Variants in INPP4B observed in about 807,000 individuals in gnomAD.
INPP4B encodes the protein inositol polyphosphate 4-phosphatase type II.
INPP4B carries 55 observed loss-of-function variants against 122.5 expected under a neutral mutation model. The ratio of observed to expected loss-of-function variants is 0.45; its 90% CI spans 0.36 to 0.56. The LOEUF (loss-of-function observed/expected upper bound fraction) is 0.56. Ranked by LOEUF, INPP4B falls within the 20% of genes least tolerant of loss-of-function variation. The pLI is 0.00. For synonymous variants in INPP4B, 403 were observed against 388.7 expected (o/e 1.04, Z -0.43); for missense variants, 1,000 against 1,097.7 (o/e 0.91, Z 1.26).
At chr4:142,204,748 T>C (rs1287603534) in intron 14 of INPP4B, among the ~76,000 whole-genome samples, 1 of 151,998 alleles carries the variant, frequency 6.6e-6, no homozygotes, top group African/African-American at 2.4e-5. Context: ...GTGTGTTACA[T>C]TAGCAGGCCA....
intron 7 of INPP4B, among the ~76,000 whole-genome samples, chr4:142,363,110 C>A (rs1030687294): frequency 1.1e-4 from 16 of 151,942 alleles, no homozygotes; most frequent in African/African-American, 3.9e-4. Flanking sequence ...GCTCAAGAAC[C>A]ATCAGTAGAG....
At chr4:142,123,639 T>C (rs1345020465) in intron 19 of INPP4B, among the ~76,000 whole-genome samples, 1 of 152,076 alleles carries the variant, frequency 6.6e-6, no homozygotes, top group African/African-American at 2.4e-5. Context: ...AAAAAGAACA[T>C]GGACAGGAGT....
chr4:142,777,117 G>C (rs186734711), intron 1 of INPP4B, among the ~76,000 whole-genome samples: 2 of 152,220 alleles, frequency 1.3e-5, no homozygotes, highest in East Asian at 3.9e-4. Flanking sequence ...ACTAGGCAGA[G>C]CTTTCTACAA....
chr4:142,122,938 T>G (rs3775639), intron 20 of INPP4B, among the ~76,000 whole-genome samples: 19,377 of 152,056 alleles, frequency 0.13, 1,412 homozygotes, highest in East Asian at 0.23. Context: ...CACATTTCAA[T>G]TACCCAAAAG....
At chr4:142,327,471 G>A (rs912352533) in intron 7 of INPP4B, among the ~76,000 whole-genome samples, 3 of 152,012 alleles carry the variant, frequency 2.0e-5, no homozygotes, top group African/African-American at 4.8e-5. Flanking sequence ...TGGGCATGGA[G>A]TGGAGGGGCT....
intron 5 of INPP4B, among the ~76,000 whole-genome samples, chr4:142,426,228 T>C (rs761725877): frequency 9.9e-5 from 15 of 152,004 alleles, no homozygotes; most frequent in Non-Finnish European, 1.8e-4. Context: ...AAGTAGTTCA[T>C]AGAAGTGTAT....
At chr4:142,410,970 AT>A (rs1401234100) in intron 5 of INPP4B, among the ~76,000 whole-genome samples, 14 of 152,040 alleles carry the variant, frequency 9.2e-5, no homozygotes, top group Non-Finnish European at 1.2e-4. Flanking sequence ...TATACCTGTG[AT>A]TTTTTTCACC....
intron 9 of INPP4B, among the ~76,000 whole-genome samples, chr4:142,271,479 G>A (rs1175012057): frequency 2.0e-5 from 3 of 152,294 alleles, no homozygotes; most frequent in South Asian, 2.1e-4. Flanking sequence ...CTGTGGCCAA[G>A]TAAAATAGAA....
At chr4:142,567,488 A>G (rs1482830364) in intron 2 of INPP4B, among the ~76,000 whole-genome samples, 4 of 152,166 alleles carry the variant, frequency 2.6e-5, no homozygotes, top group Non-Finnish European at 5.9e-5. Flanking sequence ...AAGATGATGA[A>G]GTTAAAAGAA....
chr4:142,188,329 T>C (rs1330573723), intron 15 of INPP4B, among the ~76,000 whole-genome samples: 1 of 150,412 alleles, frequency 6.6e-6, no homozygotes, highest in East Asian at 2.0e-4. Context: ...CTACTAAAAA[T>C]ACAAAAAATT....
chr4:142,205,756 A>C (rs1842351641), intron 14 of INPP4B, among the ~76,000 whole-genome samples: 1 of 152,176 alleles, frequency 6.6e-6, no homozygotes, highest in South Asian at 2.1e-4. Context: ...ATTTTACTGC[A>C]TCATAAAAGG....
intron 5 of INPP4B, among the ~76,000 whole-genome samples, chr4:142,417,739 G>A (rs1562054236): frequency 6.6e-6 from 1 of 151,980 alleles, no homozygotes; most frequent in African/African-American, 2.4e-5. Context: ...TTTGCAAAAC[G>A]ACCCAGGAAT....
At position 142,238,005 on chromosome 4, in the gene INPP4B, T is replaced by C; in HGVS notation, c.695A>G (p.Lys232Arg). The change falls in exon 12 of 26, where the codon AAG becomes AGG. Residue 232 changes from lysine to arginine, a missense_variant. Transcript: ENST00000262992. ...DNLPFLNSVLKNPVCKLYRFP... is the reference protein window; with the variant it reads ...DNLPFLNSVLRNPVCKLYRFP... The stretch of plus-strand genomic sequence containing the variant: ...TCTATATAATTTACATACTGGGTTC[T>C]TTAACACTGGAAAAAAAAAGAAAAA... 1 of 1,503,020 alleles carries C rather than the reference T, an allele frequency of 6.7e-7. No homozygotes were observed. Among genetic ancestry groups the C allele is most frequent in the Non-Finnish European group, 9.1e-7 (1 of 1,096,774 alleles). The allele number at this position is 1,503,020 out of a possible 1,614,324, so 93.1% of individuals were successfully genotyped here. A position where few individuals can be genotyped will look rare whatever the true frequency, so the allele number is the denominator to read the frequency against.
chr4:142,347,683 T>C (rs1416549938), intron 7 of INPP4B: 1 of 314,488 alleles, frequency 3.2e-6, no homozygotes, highest in African/African-American at 2.2e-5. Flanking sequence ...ATAATTTCTA[T>C]GTAAACTTTT....
At position 142,396,818 on chromosome 4, in the gene INPP4B, C is replaced by G. The variant is rs970519978; in HGVS notation, c.372+6120G>C. Among the ~76,000 whole-genome samples, 4 of 151,790 alleles carry G rather than the reference C, an allele frequency of 2.6e-5. No individual in the cohort carries two copies. In the South Asian group the frequency reaches 8.3e-4, roughly 32 times the overall value. On this transcript the variant is annotated intron_variant, in intron 7 of 25. Coordinates refer to ENST00000262992, the MANE Select transcript of INPP4B (RefSeq NM_001101669.3). The stretch of plus-strand genomic sequence containing the variant: ...CAGGAAATTAATTAATCTAAAAACA[C>G]GTTGAAGAAAAGATACTAGATGTAA...
chr4:142,079,764 A>G (rs1772864383), intron 25 of INPP4B, among the ~76,000 whole-genome samples: 1 of 151,990 alleles, frequency 6.6e-6, no homozygotes. Flanking sequence ...TGCTATTTAA[A>G]GAGCTGATTT....
At chr4:142,119,529 A>G (rs1795492712) in intron 21 of INPP4B, among the ~76,000 whole-genome samples, 2 of 152,108 alleles carry the variant, frequency 1.3e-5, no homozygotes, top group South Asian at 4.1e-4. Flanking sequence ...CATCATTCAG[A>G]GCAAACTATT....
intron 2 of INPP4B, among the ~76,000 whole-genome samples, chr4:142,693,937 TTCTC>T (rs58605366): frequency 0.6 from 90,213 of 151,566 alleles, 28,093 homozygotes; most frequent in East Asian, 0.79. Context: ...TAAGATCTGC[TTCTC>T]TCTATGTGTC....
intron 25 of INPP4B, among the ~76,000 whole-genome samples, chr4:142,040,463 G>C (rs1578693219): frequency 1.3e-5 from 2 of 152,294 alleles, no homozygotes; most frequent in African/African-American, 4.8e-5. Context: ...CTGGAGGAGA[G>C]CGTAAAATAA....
Sources: allele counts gnomAD v4.1 joint callset (sites outside exome capture counted in the v4.1 genomes callset), GRCh38; gene constraint gnomAD v4.1.1; transcripts MANE v1.5; gene names NCBI Gene and HGNC (gene_info 2026-07-23, HGNC 2026-07-21).